Variants in DLG2 observed in about 807,000 individuals in gnomAD.
DLG2 encodes the protein disks large homolog 2.
Under a neutral mutation model 132.5 loss-of-function variants are expected in DLG2, and 45 were observed. That is an observed-to-expected ratio of 0.34 (90% CI 0.27 to 0.44). DLG2 has a LOEUF of 0.44. Among genes scored for constraint, DLG2 ranks in the 20% least tolerant of loss-of-function variants. The pLI, the probability that DLG2 is intolerant of heterozygous loss-of-function variation, is 1.00. For synonymous variants in DLG2, 424 were observed against 419.6 expected (o/e 1.01, Z -0.13); for missense variants, 1,045 against 1,196.9 (o/e 0.87, Z 1.87).
intron 6 of DLG2, among the ~76,000 whole-genome samples, chr11:84,986,708 G>T (rs1429341425): frequency 6.6e-6 from 1 of 152,092 alleles, no homozygotes; most frequent in Non-Finnish European, 1.5e-5. Flanking sequence ...ACAAAATTCA[G>T]CGTATTTTTA....
chr11:84,297,156 ATGAT>A (rs1351582586), intron 7 of DLG2, among the ~76,000 whole-genome samples: 7 of 150,942 alleles, frequency 4.6e-5, no homozygotes, highest in African/African-American at 1.7e-4. Flanking sequence ...CTAGACGAGC[ATGAT>A]TGATTAATAT....
intron 6 of DLG2, among the ~76,000 whole-genome samples, chr11:85,062,569 GT>G (rs1308773534): frequency 1.3e-5 from 2 of 151,094 alleles, no homozygotes; most frequent in African/African-American, 2.4e-5. Context: ...GGAAAGATAA[GT>G]TTTTACCATA....
intron 6 of DLG2, among the ~76,000 whole-genome samples, chr11:85,087,291 TGAGA>T (rs369303105): frequency 7.9e-5 from 12 of 151,626 alleles, no homozygotes; most frequent in East Asian, 1.9e-4. Context: ...AGTGAAACAG[TGAGA>T]GAGAGAGAGC....
intron 7 of DLG2, among the ~76,000 whole-genome samples, chr11:84,255,886 T>C (rs2097460908): frequency 6.6e-6 from 1 of 152,082 alleles, no homozygotes; most frequent in Non-Finnish European, 1.5e-5. Context: ...GAAGCCTTTT[T>C]TTGTGTTGTT....
intron 7 of DLG2, among the ~76,000 whole-genome samples, chr11:84,477,823 C>T (rs1240737177): frequency 6.6e-6 from 1 of 152,156 alleles, no homozygotes; most frequent in African/African-American, 2.4e-5. Flanking sequence ...TGAAGTTAAA[C>T]AAGTTTCACA....
intron 7 of DLG2, among the ~76,000 whole-genome samples, chr11:84,452,123 AG>A (rs2099053269): frequency 6.7e-6 from 1 of 148,948 alleles, no homozygotes; most frequent in African/African-American, 2.5e-5. Flanking sequence ...AAAAAAAAAA[AG>A]AAGGAAGAAG....
At chr11:85,499,372 T>A (rs925499185) in intron 3 of DLG2, among the ~76,000 whole-genome samples, 2 of 152,020 alleles carry the variant, frequency 1.3e-5, no homozygotes, top group South Asian at 4.1e-4. Flanking sequence ...CATGGATAAA[T>A]ACAACCCCCA....
chr11:84,831,239 A>G (rs1037652250), intron 6 of DLG2, among the ~76,000 whole-genome samples: 3 of 151,530 alleles, frequency 2.0e-5, no homozygotes, highest in Non-Finnish European at 4.4e-5. Flanking sequence ...TAAAAAGGGC[A>G]AGTGAGAGAT....
chr11:85,180,668 G>C (rs2079628234), intron 4 of DLG2, among the ~76,000 whole-genome samples: 1 of 151,774 alleles, frequency 6.6e-6, no homozygotes, highest in Non-Finnish European at 1.5e-5. Flanking sequence ...TTAAATATCA[G>C]CATTAAATAG....
intron 6 of DLG2, among the ~76,000 whole-genome samples, chr11:85,051,355 A>C (rs2062870269): frequency 6.6e-6 from 1 of 152,198 alleles, no homozygotes; most frequent in Non-Finnish European, 1.5e-5. Flanking sequence ...TTACTTATCA[A>C]ATTATTCAAA....
At chr11:83,538,531 G>A (rs773292368) in intron 20 of DLG2, among the ~76,000 whole-genome samples, 5 of 152,126 alleles carry the variant, frequency 3.3e-5, no homozygotes, top group Non-Finnish European at 7.3e-5. Context: ...CTGGTGTAGT[G>A]TAAAGCCACC....
chr11:83,587,491 G>C (rs981559344), intron 19 of DLG2, among the ~76,000 whole-genome samples: 7 of 152,068 alleles, frequency 4.6e-5, no homozygotes, highest in African/African-American at 1.7e-4. Flanking sequence ...GGCAGATCTC[G>C]AACTCCTGAG....
intron 6 of DLG2, among the ~76,000 whole-genome samples, chr11:85,059,479 A>C (rs1372206573): frequency 6.6e-6 from 1 of 151,686 alleles, no homozygotes; most frequent in Admixed American, 6.6e-5. Flanking sequence ...TAGTCATAAT[A>C]GCCTGAAACT....
At chr11:85,083,776 T>C (rs2067547351) in intron 6 of DLG2, among the ~76,000 whole-genome samples, 1 of 152,172 alleles carries the variant, frequency 6.6e-6, no homozygotes. Context: ...AGATGAAGCC[T>C]TCAGGTAACA....
chr11:83,712,347 T>C (rs1401113296), intron 18 of DLG2, among the ~76,000 whole-genome samples: 2 of 152,102 alleles, frequency 1.3e-5, no homozygotes, highest in East Asian at 3.9e-4. Context: ...GATCAAGATT[T>C]GCCGGGCGTG....
At position 83,464,443 on chromosome 11, in the gene DLG2, T is replaced by TA. The variant is rs1049830653; in HGVS notation, c.2729+2264dup. ...ATTCATGGCAGCTTTGCTCCTGGAG[T>TA]AAAAGCCTTGGAAAAGAGTGAACTG... On this transcript the variant is annotated intron_variant, in intron 26 of 27. Coordinates refer to ENST00000376104, the MANE Select transcript of DLG2 (RefSeq NM_001142699.3). Among the ~76,000 whole-genome samples, 11 of 152,186 alleles carry TA rather than the reference T, an allele frequency of 7.2e-5. 1 individual carries two copies. Among genetic ancestry groups the TA allele is most frequent in the African/African-American group, 2.7e-4 (11 of 41,444 alleles).
intron 3 of DLG2, among the ~76,000 whole-genome samples, chr11:85,539,380 C>A (rs2075814663): frequency 6.6e-6 from 1 of 152,156 alleles, no homozygotes. Context: ...ATGCTTTTCT[C>A]CCATTAATCT....
chr11:85,112,734 A>T (rs78770903), intron 5 of DLG2, among the ~76,000 whole-genome samples: 1,565 of 152,182 alleles, frequency 0.01, 23 homozygotes, highest in African/African-American at 0.035. Context: ...CAACTTGGCT[A>T]AAACTCAACC....
At chr11:85,003,284 G>A (rs1381614863) in intron 6 of DLG2, among the ~76,000 whole-genome samples, 1 of 152,008 alleles carries the variant, frequency 6.6e-6, no homozygotes, top group Non-Finnish European at 1.5e-5. Flanking sequence ...TGGGAGAATT[G>A]AATTGTTATA....
Sources: gnomAD v4.1 joint callset for allele counts (sites outside exome capture counted in the v4.1 genomes callset) on GRCh38, gnomAD v4.1.1 for gene constraint, MANE v1.5 for transcripts, NCBI Gene and HGNC (gene_info 2026-07-23, HGNC 2026-07-21) for gene names.